CALD1: variants seen among roughly 807,000 people sequenced by gnomAD.
The protein encoded by CALD1 is caldesmon 1.
In CALD1, 33 loss-of-function variants were observed where a neutral mutation model predicts 99.9. The ratio of observed to expected loss-of-function variants is 0.33; its 90% CI spans 0.25 to 0.44. The LOEUF (loss-of-function observed/expected upper bound fraction) is 0.44, where lower values mean the gene tolerates loss of function less well. CALD1 is among the 20% of genes least tolerant of loss of function. The pLI is 1.00. For missense variants in CALD1, 861 were observed against 962.1 expected, an observed-to-expected ratio of 0.89 and a Z score of 1.39; for synonymous variants, 310 against 325.0, an observed-to-expected ratio of 0.95 and a Z score of 0.50.
the CALD1 span, among the ~76,000 whole-genome samples, chr7:134,731,835 C>A: frequency 3.9e-5 from 6 of 152,180 alleles, no homozygotes; most frequent in Non-Finnish European, 8.8e-5. Context: ...TAACTCCTTT[C>A]TGAAAGTTTC....
At chr7:134,872,550 G>A (rs1801147737) in intron 3 of CALD1, among the ~76,000 whole-genome samples, 1 of 152,038 alleles carries the variant, frequency 6.6e-6, no homozygotes, top group South Asian at 2.1e-4. Context: ...TACAGATGCT[G>A]AATACCTACA....
intron 1 of CALD1, among the ~76,000 whole-genome samples, chr7:134,790,463 C>G (rs1348025755): frequency 6.6e-6 from 1 of 152,214 alleles, no homozygotes; most frequent in Non-Finnish European, 1.5e-5. Context: ...GCTATCTGCT[C>G]TGTGTCTTCC....
At chr7:134,791,805 G>A (rs1797545813) in intron 1 of CALD1, among the ~76,000 whole-genome samples, 1 of 152,194 alleles carries the variant, frequency 6.6e-6, no homozygotes, top group Admixed American at 6.5e-5. Context: ...GAGGTTTAAT[G>A]GACTCACAGT....
chr7:134,759,853 G>C (rs1796761310), intron 1 of CALD1, among the ~76,000 whole-genome samples: 2 of 152,238 alleles, frequency 1.3e-5, no homozygotes, highest in African/African-American at 4.8e-5. Flanking sequence ...TGAATATACA[G>C]TATGTCAAGC....
chr7:134,761,585 T>C (rs1189803358), intron 1 of CALD1, among the ~76,000 whole-genome samples: 1 of 152,234 alleles, frequency 6.6e-6, no homozygotes, highest in Non-Finnish European at 1.5e-5. Flanking sequence ...TATCAACTCT[T>C]GTGAGGCAGC....
intron 1 of CALD1, among the ~76,000 whole-genome samples, chr7:134,829,464 T>C (rs1178182667): frequency 1.3e-5 from 2 of 152,224 alleles, no homozygotes; most frequent in African/African-American, 4.8e-5. Context: ...AGGTTAAGAA[T>C]TATCCAAGTA....
chr7:134,862,258 G>C (rs1800594916), intron 2 of CALD1, among the ~76,000 whole-genome samples: 1 of 152,330 alleles, frequency 6.6e-6, no homozygotes, highest in African/African-American at 2.4e-5. Context: ...AAATCCTAGA[G>C]AGAAATAGTG....
At chr7:134,902,170 T>G (rs1269214015) in intron 3 of CALD1, among the ~76,000 whole-genome samples, 1 of 152,082 alleles carries the variant, frequency 6.6e-6, no homozygotes, top group Non-Finnish European at 1.5e-5. Context: ...AGTGAATATT[T>G]TCTCGTCACA....
At chr7:134,888,204 G>C (rs1400768137) in intron 3 of CALD1, among the ~76,000 whole-genome samples, 1 of 152,170 alleles carries the variant, frequency 6.6e-6, no homozygotes, top group Non-Finnish European at 1.5e-5. Flanking sequence ...CAGAAACAAA[G>C]GATACTATGA....
chr7:134,846,325 G>T (rs3778851), intron 2 of CALD1, among the ~76,000 whole-genome samples: 1 of 151,992 alleles, frequency 6.6e-6, no homozygotes, highest in South Asian at 2.1e-4. Context: ...CCTGCTGATT[G>T]TCCCACTCCA....
chr7:134,722,684 T>C, the CALD1 span, among the ~76,000 whole-genome samples: 2 of 152,142 alleles, frequency 1.3e-5, no homozygotes, highest in Non-Finnish European at 2.9e-5. Flanking sequence ...CCTCCCAAAG[T>C]GCTGAGATTA....
upstream of CALD1, among the ~76,000 whole-genome samples, chr7:134,740,356 G>T (rs1471349508): frequency 6.6e-6 from 1 of 152,174 alleles, no homozygotes; most frequent in African/African-American, 2.4e-5. Flanking sequence ...ATCTTGACAT[G>T]CTGCAATGCT....
In CALD1 at chr7:134,947,573, G is replaced by A. The variant is rs201081345; in HGVS notation, c.1598G>A (p.Gly533Asp). 6.4e-7 allele frequency: 1 copy of A among 1,561,794 alleles called. No individual in the cohort carries two copies. Among genetic ancestry groups the A allele is most frequent in the Non-Finnish European group, 8.7e-7 (1 of 1,152,582 alleles). ...GAGGGCGCCCCCCAGGTGGAAGCCG[G>A]CAAAAGGCTGGAGGAGCTTCGTCGT... The part of the protein sequence containing the change: ...EAEGAPQVEA[G>D]KRLEELRRRR... Residue 533 changes from glycine to aspartate, a missense_variant, in exon 8 of 15, where the codon GGC becomes GAC. Transcript: ENST00000361675.
chr7:134,891,389 T>C (rs565642394), intron 3 of CALD1: 2 of 1,266,958 alleles, frequency 1.6e-6, no homozygotes, highest in Non-Finnish European at 1.0e-6. Flanking sequence ...CTGATGATCC[T>C]GTGAGGAGGG....
chr7:134,823,335 AG>A (rs1414487739), intron 1 of CALD1, among the ~76,000 whole-genome samples: 1 of 152,210 alleles, frequency 6.6e-6, no homozygotes, highest in Admixed American at 6.5e-5. Flanking sequence ...CTGGTTGTGA[AG>A]AGCCAAACAT....
At chr7:134,777,375 T>G (rs148678241), upstream of CALD1, among the ~76,000 whole-genome samples, 446 of 152,340 alleles carry the variant, frequency 2.9e-3, 3 homozygotes, top group African/African-American at 0.01. Flanking sequence ...AATTTATCTA[T>G]GGAAACATAC....
chr7:134,809,888 T>G (rs979354473), intron 1 of CALD1, among the ~76,000 whole-genome samples: 3 of 152,140 alleles, frequency 2.0e-5, no homozygotes, highest in African/African-American at 7.2e-5. Flanking sequence ...AAAATTAAGC[T>G]ATACAGACAG....
intron 3 of CALD1, chr7:134,928,130 C>A: frequency 3.4e-6 from 1 of 295,434 alleles, no homozygotes; most frequent in Non-Finnish European, 7.0e-6. Context: ...ACTTTGGGTC[C>A]CTTCTTCTAA....
intron 2 of CALD1, among the ~76,000 whole-genome samples, chr7:134,851,331 A>C (rs1273012639): frequency 6.6e-6 from 1 of 152,204 alleles, no homozygotes; most frequent in Non-Finnish European, 1.5e-5. Flanking sequence ...AGATGGGCCC[A>C]TAAGGAAGTG....
Sources: allele counts gnomAD v4.1 joint callset (sites outside exome capture counted in the v4.1 genomes callset), GRCh38; gene constraint gnomAD v4.1.1; transcripts MANE v1.5; gene names NCBI Gene and HGNC (gene_info 2026-07-23, HGNC 2026-07-21).